Variants in ADAMTS16 observed in about 807,000 individuals in gnomAD.
The protein encoded by ADAMTS16 is ADAM metallopeptidase with thrombospondin type 1 motif 16.
In ADAMTS16, 94 loss-of-function variants were observed where a neutral mutation model predicts 145.8. The observed-to-expected ratio is 0.64, with a 90% CI of 0.55 to 0.77. The LOEUF is 0.77. Ranked by LOEUF, ADAMTS16 falls within the 30% of genes least tolerant of loss-of-function variation. ADAMTS16 has a pLI of 0.00. For synonymous variants in ADAMTS16, 659 were observed against 604.3 expected (o/e 1.09, Z -1.33); for missense variants, 1,585 against 1,591.5 (o/e 1.00, Z 0.07).
At chr5:5,240,765 T>C (rs1296640214) in intron 16 of ADAMTS16, among the ~76,000 whole-genome samples, 1 of 152,130 alleles carries the variant, frequency 6.6e-6, no homozygotes, top group African/African-American at 2.4e-5. Context: ...TCTCCACAGG[T>C]CCTACTTCCA....
At chr5:5,244,367 G>A (rs918724344) in intron 17 of ADAMTS16, among the ~76,000 whole-genome samples, 2 of 152,210 alleles carry the variant, frequency 1.3e-5, no homozygotes, top group African/African-American at 2.4e-5. Context: ...TTATTGCCAT[G>A]TATTGAGCAC....
chr5:5,311,300 C>CAAAAAAAAAAAAAA, intron 21 of ADAMTS16, among the ~76,000 whole-genome samples: 1 of 127,950 alleles, frequency 7.8e-6, no homozygotes, highest in Non-Finnish European at 1.7e-5. Flanking sequence ...TTGACATAGG[C>CAAAAAAAAAAAAAA]AAAAAAAAAA....
intron 3 of ADAMTS16, among the ~76,000 whole-genome samples, chr5:5,162,319 A>C (rs1734759820): frequency 6.6e-6 from 1 of 152,158 alleles, no homozygotes; most frequent in Non-Finnish European, 1.5e-5. Context: ...TATTTAAGGG[A>C]AATCTGCCAA....
At chr5:5,285,866 ACTT>A (rs560543461) in intron 18 of ADAMTS16, among the ~76,000 whole-genome samples, 11 of 152,252 alleles carry the variant, frequency 7.2e-5, no homozygotes, top group Admixed American at 2.0e-4. Context: ...AGATGCCTTC[ACTT>A]CTTCTTCTTC....
chr5:5,309,713 C>T (rs1740339562), intron 21 of ADAMTS16, among the ~76,000 whole-genome samples: 1 of 152,086 alleles, frequency 6.6e-6, no homozygotes, highest in Non-Finnish European at 1.5e-5. Flanking sequence ...CAACCATGTG[C>T]TTCCTGGCTG....
chr5:5,176,965 G>A (rs1735215135), intron 3 of ADAMTS16, among the ~76,000 whole-genome samples: 1 of 152,154 alleles, frequency 6.6e-6, no homozygotes. Context: ...ACAAGATCCA[G>A]GTAGAACTCA....
rs562377989 is a variant in ADAMTS16, at chr5:5,192,731, T to C, written c.1313+941T>C. 3.3e-5 allele frequency among the ~76,000 whole-genome samples: 5 copies of C among 152,338 alleles called. No homozygotes were observed. In the South Asian group the frequency reaches 1.0e-3, roughly 32 times the overall value. ...TCACCTTACATGAAATGCTTACAAT[T>C]GTAGAATGAACAATTTCTAGCAATT... On this transcript the variant is annotated intron_variant, in intron 8 of 22. Transcript: ENST00000274181.
chr5:5,297,499 C>T (rs757560668), intron 18 of ADAMTS16, among the ~76,000 whole-genome samples: 29 of 152,104 alleles, frequency 1.9e-4, no homozygotes, highest in African/African-American at 4.8e-4. Context: ...TTTTGTTGAA[C>T]GAGGGAATTA....
intron 3 of ADAMTS16, among the ~76,000 whole-genome samples, chr5:5,154,592 TG>T (rs1734557725): frequency 6.6e-6 from 1 of 152,194 alleles, no homozygotes; most frequent in Non-Finnish European, 1.5e-5. Flanking sequence ...CTCTCATTTT[TG>T]AAGTGATGAA....
At chr5:5,245,240 A>G (rs1345749533) in intron 17 of ADAMTS16, among the ~76,000 whole-genome samples, 1 of 152,224 alleles carries the variant, frequency 6.6e-6, no homozygotes, top group Non-Finnish European at 1.5e-5. Flanking sequence ...AAATCAGATG[A>G]TTTAAATTAT....
chr5:5,242,185 G>A lies in ADAMTS16; in HGVS notation c.2656G>A (p.Gly886Arg), dbSNP rs762566566. 1.4e-5 allele frequency: 22 copies of A among 1,613,814 alleles called. No individual in the cohort carries two copies. The highest frequency in any genetic ancestry group is 6.6e-5 in the South Asian group (6 of 91,050). The change falls in exon 17 of 23, where the codon GGA becomes AGA. Residue 886 changes from glycine to arginine, a missense_variant. This residue lies in a region of ADAMTS16 where 834 missense variants were observed against 811.7 expected (regional missense o/e 1.03). Coordinates refer to ENST00000274181, the MANE Select transcript of ADAMTS16 (RefSeq NM_139056.4). ...GCGCTCTGAGTGCTCCGTGTCCTGC[G>A]GAGGGGGTAGGTGCCTTCCAGTGCT... ...IVRSECSVSCGGGQMTVREGC... is the reference protein window; with the variant it reads ...IVRSECSVSCRGGQMTVREGC...
chr5:5,171,732 T>C (rs998349018), intron 3 of ADAMTS16, among the ~76,000 whole-genome samples: 4 of 151,890 alleles, frequency 2.6e-5, no homozygotes, highest in Non-Finnish European at 5.9e-5. Flanking sequence ...TGTCGTTTCC[T>C]TTTTTTTGGT....
intron 3 of ADAMTS16, among the ~76,000 whole-genome samples, chr5:5,154,565 A>G (rs1012078228): frequency 2.0e-5 from 3 of 152,196 alleles, no homozygotes; most frequent in Admixed American, 1.3e-4. Context: ...TATAAAATCT[A>G]TGGTTTTGTT....
intron 20 of ADAMTS16, among the ~76,000 whole-genome samples, chr5:5,305,182 C>CA: frequency 1.0e-5 from 1 of 98,380 alleles, no homozygotes; most frequent in Admixed American, 1.0e-4. Flanking sequence ...ACCACACACA[C>CA]ATCCCACACC....
chr5:5,228,024 G>A (rs1414166598), intron 11 of ADAMTS16, among the ~76,000 whole-genome samples: 2 of 152,164 alleles, frequency 1.3e-5, no homozygotes, highest in African/African-American at 2.4e-5. Flanking sequence ...ATTTATCAAA[G>A]AAAAGGAAAT....
At chr5:5,185,409 T>C (rs1735469296) in intron 4 of ADAMTS16, among the ~76,000 whole-genome samples, 1 of 152,238 alleles carries the variant, frequency 6.6e-6, no homozygotes. Flanking sequence ...CTAACAATTA[T>C]ACATGCCAAA....
chr5:5,163,085 G>T (rs1171483691), intron 3 of ADAMTS16, among the ~76,000 whole-genome samples: 11 of 152,156 alleles, frequency 7.2e-5, no homozygotes, highest in African/African-American at 2.4e-4. Context: ...GACCAAAAAG[G>T]GTGAGGGTCT....
intron 18 of ADAMTS16, among the ~76,000 whole-genome samples, chr5:5,302,135 C>T (rs1004385909): frequency 5.9e-5 from 9 of 152,272 alleles, no homozygotes; most frequent in Admixed American, 4.6e-4. Context: ...ACCAAGCCCT[C>T]CTGCAGATGG....
chr5:5,153,755 C>T (rs953684191), intron 3 of ADAMTS16, among the ~76,000 whole-genome samples: 7 of 152,166 alleles, frequency 4.6e-5, no homozygotes, highest in African/African-American at 1.4e-4. Flanking sequence ...TATATATAAT[C>T]TGTCGACTGC....
Sources: gnomAD v4.1 joint callset for allele counts (sites outside exome capture counted in the v4.1 genomes callset) on GRCh38, gnomAD v4.1.1 for gene constraint, gnomAD v4.1.1 regional missense constraint, MANE v1.5 for transcripts, NCBI Gene and HGNC (gene_info 2026-07-23, HGNC 2026-07-21) for gene names.